HLX: variants seen among roughly 807,000 people sequenced by gnomAD.
HLX encodes H2.0-like homeobox protein.
A neutral mutation model predicts 27.7 loss-of-function variants in HLX; 6 were observed. That is an observed-to-expected ratio of 0.22 (90% CI 0.12 to 0.43). The LOEUF (loss-of-function observed/expected upper bound fraction) is 0.43. Ranked by LOEUF, HLX falls within the 20% of genes least tolerant of loss-of-function variation. The pLI is 1.00. For missense variants in HLX, 666 were observed against 655.2 expected (o/e 1.02, Z -0.18); for synonymous variants, 328 against 293.8 (o/e 1.12, Z -1.19).
At position 220,884,671 on chromosome 1, in the gene HLX, C is replaced by A; in HGVS notation, c.1434C>A (p.Pro478=). The A allele has an allele frequency of 6.2e-7, 1 of 1,610,816 alleles. No homozygotes were observed. The part of the protein sequence containing the change: ...QPTASSAPKS[P]EPAQGALGCL ...CAGCCAGCAGCGCTCCCAAAAGCCC[C>A]GAGCCAGCCCAAGGCGCGCTTGGCT... Residue 478 remains proline (P), a synonymous_variant, in exon 4 of 4, where the codon CCC becomes CCA. Transcript: ENST00000366903. This position sits in a 1 kb window ranked among gnomAD's most constrained non-coding sequence, Gnocchi z 4.9.
Position 220,879,621 on chromosome 1 carries a change from C to T in HLX, c.-237C>T. The T allele has an allele frequency of 1.6e-6, 1 of 611,702 alleles. No homozygotes were observed. The highest frequency in any genetic ancestry group is 2.6e-5 in the South Asian group (1 of 38,534). The allele number at this position is 611,702 out of a possible 1,614,324, so 37.9% of individuals were successfully genotyped here. The stretch of plus-strand genomic sequence containing the variant: ...TCCAGCCCGCGAGGAGTGCGGGCGC[C>T]GCGCCGCCTTTAAAGCGAGGCCAGG... On this transcript the variant is annotated 5_prime_UTR_variant, in exon 1 of 4. Coordinates refer to ENST00000366903, the MANE Select transcript of HLX (RefSeq NM_021958.4).
intron 2 of HLX, chr1:220,881,891 C>T (rs1403030198): frequency 4.0e-6 from 2 of 505,178 alleles, no homozygotes; most frequent in Admixed American, 2.8e-5. Flanking sequence ...CTGATGGCCA[C>T]GCATGAGGTT....
At chr1:220,881,139 G>C (rs191600946) in intron 1 of HLX, 55 bp from the exon 2 acceptor site, 2 of 1,461,774 alleles carry the variant, frequency 1.4e-6, no homozygotes, top group Non-Finnish European at 1.9e-6. Context: ...ACAAATCAGC[G>C]GAGAGTGTGA....
intron 3 of HLX, 22 bp downstream of exon 3, chr1:220,882,370 C>T (rs1289924290): frequency 1.1e-5 from 17 of 1,611,832 alleles, no homozygotes; most frequent in Admixed American, 1.7e-5. Context: ...CTGGCTCCAG[C>T]GCACAGCGCC....
Position 220,882,231 on chromosome 1 carries a change from C to G in HLX, c.840C>G (p.Arg280=), listed in dbSNP as rs757571461. Reference sequence around the variant, plus strand: ...ACAAAAGGAAGCGTTCATGGTCGCGCGCTGTGTTCTCCAACCTGCAGAGGA... The same window carrying G: ...ACAAAAGGAAGCGTTCATGGTCGCGGGCTGTGTTCTCCAACCTGCAGAGGA... ...QTYKRKRSWS[R]AVFSNLQRKG... is the part of the protein sequence containing the mutation. The change falls in exon 3 of 4, where the codon CGC becomes CGG. Residue 280 remains arginine (R), a synonymous_variant. Transcript: ENST00000366903. 1.9e-6 allele frequency: 3 copies of G among 1,614,040 alleles called. No homozygotes were observed. Among genetic ancestry groups the G allele is most frequent in the African/African-American group, 2.7e-5 (2 of 74,914 alleles).
rs1286552148 is a variant in HLX, at chr1:220,880,150, T to G, written c.293T>G (p.Val98Gly). Residue 98 changes from valine (V) to glycine (G), a missense_variant, in exon 1 of 4, where the codon GTG becomes GGG. Val to Gly is a moderately radical substitution (Grantham distance 109, BLOSUM62 -3). Coordinates refer to ENST00000366903, the MANE Select transcript of HLX (RefSeq NM_021958.4). ...AGATCCCCGCTTCGACCCACCCCAGTGGTGGCGCCCTCCGAAGTCCCGGCT... is the reference window on the plus strand; with the variant it reads ...AGATCCCCGCTTCGACCCACCCCAGGGGTGGCGCCCTCCGAAGTCCCGGCT... ...AARSPLRPTP[V>G]VAPSEVPAGF... 3.7e-6 allele frequency: 6 copies of G among 1,611,974 alleles called. No homozygotes were observed. The highest frequency in any genetic ancestry group is 5.1e-6 in the Non-Finnish European group (6 of 1,179,424).
intron 1 of HLX, 140 bp from the exon 2 acceptor site, chr1:220,881,054 G>C: frequency 1.3e-6 from 1 of 771,228 alleles, no homozygotes; most frequent in East Asian, 2.5e-5. Context: ...GGGAGAGAGA[G>C]GTTTCAGCGC....
chr1:220,882,039 G>T (rs748769454), intron 2 of HLX, 125 bp from the exon 3 acceptor site: 19 of 850,104 alleles, frequency 2.2e-5, no homozygotes, highest in Non-Finnish European at 3.8e-5. Context: ...TCTGAATGAG[G>T]GTGGAATCGA....
In HLX at chr1:220,884,161, G is replaced by A. The variant is rs1274023535; in HGVS notation, c.958-34G>A. On this transcript the variant is annotated intron_variant, in intron 3 of 3. Transcript: ENST00000366903. This position sits in a 1 kb window ranked among gnomAD's most constrained non-coding sequence, Gnocchi z 4.9. ...GAGCAAACCTGGGTCTCATCTCGGT[G>A]TCTCTTCTTGTCTCCCGGTGTGGCG... 2 of 1,611,930 alleles carry A rather than the reference G, an allele frequency of 1.2e-6. No homozygotes were observed. Among genetic ancestry groups the A allele is most frequent in the Non-Finnish European group, 8.5e-7 (1 of 1,178,480 alleles).
In HLX at chr1:220,884,837, G is replaced by A; in HGVS notation, c.*133G>A. On this transcript the variant is annotated 3_prime_UTR_variant, in exon 4 of 4. Transcript: ENST00000366903. The surrounding 1 kb of genome is among the most constrained non-coding windows in gnomAD (Gnocchi z 4.9). ...GTGGAGCCTACCTCCCGACATTCAC[G>A]CTTCGCCCCACGCTGCTCCGACTGG... 3 of 1,399,490 alleles carry A rather than the reference G, an allele frequency of 2.1e-6. No homozygotes were observed. Among genetic ancestry groups the A allele is most frequent in the South Asian group, 2.7e-5 (2 of 73,236 alleles). The allele number at this position is 1,399,490 out of a possible 1,614,324, so 86.7% of individuals were successfully genotyped here. A position where few individuals can be genotyped will look rare whatever the true frequency, so the allele number is the denominator to read the frequency against.
At chr1:220,882,544 AC>A in intron 3 of HLX, 196 bp downstream of exon 3, 1 of 593,740 alleles carries the variant, frequency 1.7e-6, no homozygotes, top group Non-Finnish European at 3.0e-6. Context: ...AGGGAGAAGG[AC>A]CGAGAGAAGA....
chr1:220,880,536 TTA>T, intron 1 of HLX, 87 bp downstream of exon 1: 1 of 1,422,718 alleles, frequency 7.0e-7, no homozygotes, highest in South Asian at 1.1e-5. Context: ...TTGAGTGTTT[TTA>T]CAATTAAGGA....
At position 220,880,376 on chromosome 1, in the gene HLX, C is replaced by A; in HGVS notation, c.519C>A (p.Asp173Glu). 6.2e-7 allele frequency: 1 copy of A among 1,614,162 alleles called. No individual in the cohort carries two copies. The highest frequency in any genetic ancestry group is 8.5e-7 in the Non-Finnish European group (1 of 1,180,028). ...SGSAPAPSSK[D>E]LKFGIDRILS... ...CTGCCCCGGCCCCCTCCAGCAAAGACCTCAAATTTGGAATTGACCGCATTT... is the reference window on the plus strand; with the variant it reads ...CTGCCCCGGCCCCCTCCAGCAAAGAACTCAAATTTGGAATTGACCGCATTT... Residue 173 changes from aspartate to glutamate, a missense_variant, in exon 1 of 4, where the codon GAC (aspartate) becomes GAA (glutamate). By Grantham distance (45) the Asp-to-Glu change is conservative (BLOSUM62 2). Transcript: ENST00000366903.
rs1674515951 is a variant in HLX, at chr1:220,884,105, G to C, written c.958-90G>C. On this transcript the variant is annotated intron_variant, in intron 3 of 3. Transcript: ENST00000366903. The surrounding 1 kb of genome is among the most constrained non-coding windows in gnomAD (Gnocchi z 4.9). ...TAAGCGTTGCTTTTTCACTCAGGGA[G>C]GTGGCTTGAGGGTGCACGCGAGTCG... The C allele has an allele frequency of 1.5e-6, 2 of 1,319,832 alleles. No homozygotes were observed. Among genetic ancestry groups the C allele is most frequent in the Admixed American group, 1.8e-5 (1 of 55,832 alleles). The allele number at this position is 1,319,832 out of a possible 1,614,324, so 81.8% of individuals were successfully genotyped here.
intron 2 of HLX, chr1:220,881,763 AACACACAC>A (rs71167242): frequency 0.073 from 22,394 of 305,604 alleles, 505 homozygotes; most frequent in Non-Finnish European, 0.083. Flanking sequence ...TGCGGGAATA[AACACACAC>A]ACACACACAC....
At chr1:220,882,543 G>T (rs1461054302) in intron 3 of HLX, 195 bp downstream of exon 3, 18 of 594,650 alleles carry the variant, frequency 3.0e-5, no homozygotes, top group Non-Finnish European at 4.5e-5. Flanking sequence ...GAGGGAGAAG[G>T]ACCGAGAGAA....
rs771667084 is a variant in HLX, at chr1:220,880,381, A to G, written c.524A>G (p.Lys175Arg). ...CCGGCCCCCTCCAGCAAAGACCTCA[A>G]ATTTGGAATTGACCGCATTTTATCT... ...SAPAPSSKDLKFGIDRILSAE... is the reference protein window; with the variant it reads ...SAPAPSSKDLRFGIDRILSAE... The change falls in exon 1 of 4, where the codon AAA (lysine) becomes AGA (arginine). Residue 175 changes from lysine (K) to arginine (R), a missense_variant. Lys to Arg is a conservative substitution (Grantham distance 26). Coordinates refer to ENST00000366903, the MANE Select transcript of HLX (RefSeq NM_021958.4). The G allele has an allele frequency of 1.2e-6, 2 of 1,614,112 alleles. No individual in the cohort carries two copies. The highest frequency in any genetic ancestry group is 1.7e-6 in the Non-Finnish European group (2 of 1,180,020).
Position 220,884,756 on chromosome 1 carries a change from G to T in HLX, c.*52G>T. Reference sequence around the variant, plus strand: ...GCCTTGCGTGCAGCCTCCCAACCATGGGCTGGGTTTTGTGCTTACTGTATG... The same window carrying T: ...GCCTTGCGTGCAGCCTCCCAACCATTGGCTGGGTTTTGTGCTTACTGTATG... On this transcript the variant is annotated 3_prime_UTR_variant, in exon 4 of 4. Transcript: ENST00000366903. The surrounding 1 kb of genome is among the most constrained non-coding windows in gnomAD (Gnocchi z 4.9). 2 of 1,588,068 alleles carry T rather than the reference G, an allele frequency of 1.3e-6. No individual in the cohort carries two copies. The highest frequency in any genetic ancestry group is 2.2e-5 in the East Asian group (1 of 44,534).
rs150049769 is a variant in HLX, at chr1:220,881,346, C to G, written c.745C>G (p.Gln249Glu). 5.6e-6 allele frequency: 9 copies of G among 1,614,078 alleles called. No homozygotes were observed. The highest frequency in any genetic ancestry group is 7.6e-6 in the Non-Finnish European group (9 of 1,179,904). ...PLNSNPRNSVQHQFQDTFPGP... is the reference protein window; with the variant it reads ...PLNSNPRNSVEHQFQDTFPGP... The stretch of plus-strand genomic sequence containing the variant: ...AAACTCGAACCCAAGAAATTCAGTT[C>G]AGCATCAGTTCCAAGACACGTTTCC... The change falls in exon 2 of 4, where the codon CAG becomes GAG. Residue 249 changes from glutamine to glutamate, a missense_variant. Coordinates refer to ENST00000366903, the MANE Select transcript of HLX (RefSeq NM_021958.4).
Sources: gnomAD v4.1 joint callset for allele counts on GRCh38, gnomAD v4.1.1 for gene constraint, Gnocchi (gnomAD v3.1) non-coding constraint, MANE v1.5 for transcripts, NCBI Gene and HGNC (gene_info 2026-07-23, HGNC 2026-07-21) for gene names.